Variants in CPPED1 observed in about 807,000 individuals in gnomAD.
CPPED1 encodes the protein calcineurin like phosphoesterase domain containing 1.
CPPED1 carries 28 observed loss-of-function variants against 28.0 expected under a neutral mutation model. The observed-to-expected ratio is 1.00, with a 90% confidence interval of 0.74 to 1.37. CPPED1 has a LOEUF of 1.37. Ranked by LOEUF, CPPED1 falls within the 40% of genes most tolerant of loss-of-function variation. The pLI, the probability that CPPED1 is intolerant of heterozygous loss-of-function variation, is 0.00. For missense variants in CPPED1, 504 were observed against 416.5 expected (o/e 1.21, Z -1.83); for synonymous variants, 198 against 180.2 (o/e 1.10, Z -0.79).
intron 3 of CPPED1, among the ~76,000 whole-genome samples, chr16:12,676,159 T>C (rs1016360180): frequency 1.3e-5 from 2 of 152,200 alleles, no homozygotes; most frequent in African/African-American, 4.8e-5. Flanking sequence ...AGTGACCCAA[T>C]GCCTGTGGCC....
chr16:12,783,329 C>G (rs1347953850), intron 1 of CPPED1, among the ~76,000 whole-genome samples: 1 of 152,050 alleles, frequency 6.6e-6, no homozygotes, highest in Non-Finnish European at 1.5e-5. Context: ...GAAACCTCAT[C>G]TCTACTAAAA....
chr16:12,796,385 C>T (rs1486254000), intron 1 of CPPED1, among the ~76,000 whole-genome samples: 7 of 151,904 alleles, frequency 4.6e-5, no homozygotes, highest in Non-Finnish European at 7.4e-5. Context: ...ATCCCAGCTA[C>T]TTGGGAGTCT....
chr16:12,781,298 T>C lies in CPPED1; in HGVS notation c.176A>G (p.Asp59Gly), dbSNP rs77086889. The stretch of plus-strand genomic sequence containing the variant: ...TAGACGGATCTCCTGTTCCCATTCG[T>C]CACCGCCATTGTCACAGTCCCCAGT... Reference protein sequence around the residue: ...WSTGDCDNGGDEWEQEIRLTE... With the variant: ...WSTGDCDNGGGEWEQEIRLTE... The change falls in exon 2 of 4, where the codon GAC (aspartate) becomes GGC (glycine). Residue 59 changes from aspartate (D) to glycine (G), a missense_variant. By Grantham distance (94) the Asp-to-Gly change is moderately conservative. Transcript: ENST00000381774. The C allele has an allele frequency of 6.2e-7, 1 of 1,614,122 alleles. No individual in the cohort carries two copies. The highest frequency in any genetic ancestry group is 8.5e-7 in the Non-Finnish European group (1 of 1,180,024).
At chr16:12,694,359 T>G (rs1448266223) in intron 3 of CPPED1, among the ~76,000 whole-genome samples, 2 of 152,184 alleles carry the variant, frequency 1.3e-5, no homozygotes, top group African/African-American at 4.8e-5. Flanking sequence ...TTGATTTAAC[T>G]TTAGGAATCA....
rs1216534504 is a variant in CPPED1, at chr16:12,709,226, GTA to G, written c.290-4179_290-4178del. On this transcript the variant is annotated intron_variant, in intron 2 of 3. Coordinates refer to ENST00000381774, the MANE Select transcript of CPPED1 (RefSeq NM_018340.3). This position sits in a 1 kb window ranked among gnomAD's most constrained non-coding sequence, Gnocchi z 4.4. ...AGGGTTCTATGTTCACAAAAAGAAT[GTA>G]TATAAAGGACAGGAAGAAAGGCAGG... 6.6e-6 allele frequency among the ~76,000 whole-genome samples: 1 copy of G among 152,126 alleles called. No homozygotes were observed. The highest frequency in any genetic ancestry group is 1.9e-4 in the East Asian group (1 of 5,200).
At chr16:12,694,097 T>C (rs993944482) in intron 3 of CPPED1, among the ~76,000 whole-genome samples, 2 of 152,032 alleles carry the variant, frequency 1.3e-5, no homozygotes, top group Non-Finnish European at 2.9e-5. Flanking sequence ...TCCCAGCTAC[T>C]TGGGAGGCTG....
chr16:12,672,939 G>A (rs562409640), intron 3 of CPPED1, among the ~76,000 whole-genome samples: 53 of 152,220 alleles, frequency 3.5e-4, no homozygotes, highest in African/African-American at 1.3e-3. Context: ...GCTTGAACTC[G>A]GGAGGCGGAG....
intron 2 of CPPED1, among the ~76,000 whole-genome samples, chr16:12,706,911 G>A: frequency 6.6e-6 from 1 of 152,182 alleles, no homozygotes; most frequent in Non-Finnish European, 1.5e-5. Context: ...CTAGTGGAGG[G>A]AGCCTTAGGG....
intron 2 of CPPED1, among the ~76,000 whole-genome samples, chr16:12,755,964 C>T (rs8056128): frequency 0.28 from 43,052 of 151,646 alleles, 7,388 homozygotes; most frequent in African/African-American, 0.48. Context: ...AACCTGTCTC[C>T]AATAAAAACA....
intron 1 of CPPED1, among the ~76,000 whole-genome samples, chr16:12,787,595 T>C (rs2080571901): frequency 6.6e-6 from 1 of 151,954 alleles, no homozygotes; most frequent in Non-Finnish European, 1.5e-5. Flanking sequence ...TTAGTAGAGA[T>C]GGGGTTTCAC....
intron 2 of CPPED1, among the ~76,000 whole-genome samples, chr16:12,739,166 T>A (rs1053300352): frequency 3.9e-5 from 6 of 152,200 alleles, no homozygotes; most frequent in Non-Finnish European, 8.8e-5. Flanking sequence ...GTCATGAGAA[T>A]AAGAAAGTGT....
intron 2 of CPPED1, among the ~76,000 whole-genome samples, chr16:12,769,424 C>T (rs757336523): frequency 2.6e-5 from 4 of 152,036 alleles, no homozygotes; most frequent in African/African-American, 4.8e-5. Context: ...GTTAAGACGC[C>T]GAGACTTGGA....
intron 2 of CPPED1, among the ~76,000 whole-genome samples, chr16:12,761,468 A>T (rs2080409686): frequency 6.6e-6 from 1 of 152,172 alleles, no homozygotes. Context: ...ATAATAAAAC[A>T]GCAATCTTTG....
chr16:12,680,720 C>A (rs558555163), intron 3 of CPPED1, among the ~76,000 whole-genome samples: 1 of 152,148 alleles, frequency 6.6e-6, no homozygotes, highest in Non-Finnish European at 1.5e-5. Flanking sequence ...CTAAGCCAAG[C>A]AGCTCTGCCC....
In CPPED1 at chr16:12,705,787, G is replaced by A. The variant is rs185113985; in HGVS notation, c.290-738C>T. The stretch of plus-strand genomic sequence containing the variant: ...CTCCCAAAGTGTTGGGATTACAGGC[G>A]TAAGCCACCGCGCCGGGCAGAACAT... On this transcript the variant is annotated intron_variant, in intron 2 of 3. Transcript: ENST00000381774. 1.6e-3 allele frequency among the ~76,000 whole-genome samples: 248 copies of A among 152,330 alleles called. 1 individual carries two copies. Among genetic ancestry groups the A allele is most frequent in the Non-Finnish European group, 2.1e-4 (14 of 68,028 alleles).
At chr16:12,708,463 C>G (rs1020876935) in intron 2 of CPPED1, among the ~76,000 whole-genome samples, 1 of 152,212 alleles carries the variant, frequency 6.6e-6, no homozygotes, top group African/African-American at 2.4e-5. Context: ...TGTCAGCTGT[C>G]TGCTTTCCAC....
chr16:12,673,209 C>T (rs1010701907), intron 3 of CPPED1, among the ~76,000 whole-genome samples: 6 of 152,078 alleles, frequency 3.9e-5, no homozygotes, highest in South Asian at 2.1e-4. Context: ...AGGCTCCAAT[C>T]GTACAGACTG....
intron 3 of CPPED1, among the ~76,000 whole-genome samples, chr16:12,695,689 A>G (rs936986817): frequency 6.6e-6 from 1 of 152,204 alleles, no homozygotes; most frequent in Non-Finnish European, 1.5e-5. Flanking sequence ...CAGGCAGTCA[A>G]CTGTTCAAAC....
chr16:12,689,979 C>G (rs1254643795), intron 3 of CPPED1, among the ~76,000 whole-genome samples: 1 of 152,238 alleles, frequency 6.6e-6, no homozygotes, highest in East Asian at 1.9e-4. Flanking sequence ...ACCATTTTAT[C>G]AAACACAAGT....
Sources: gnomAD v4.1 joint callset for allele counts (sites outside exome capture counted in the v4.1 genomes callset) on GRCh38, gnomAD v4.1.1 for gene constraint, Gnocchi (gnomAD v3.1) non-coding constraint, MANE v1.5 for transcripts, NCBI Gene and HGNC (gene_info 2026-07-23, HGNC 2026-07-21) for gene names.